The following SLC1A1 variants were observed in gnomAD, a reference collection of about 807,000 sequenced individuals.
SLC1A1 encodes the protein solute carrier family 1 member 1.
SLC1A1 carries 43 observed loss-of-function variants against 53.3 expected under a neutral mutation model. The observed-to-expected ratio is 0.81, with a 90% CI of 0.63 to 1.04. The LOEUF (loss-of-function observed/expected upper bound fraction) is 1.04. SLC1A1 is among the 50% of genes least tolerant of loss of function. SLC1A1 has a pLI of 0.00. For missense variants in SLC1A1, 748 were observed against 664.9 expected (o/e 1.12, Z -1.37); for synonymous variants, 307 against 243.2 (o/e 1.26, Z -2.44).
intron 1 of SLC1A1, among the ~76,000 whole-genome samples, chr9:4,531,130 T>G (rs1172746716): frequency 2.0e-5 from 3 of 152,088 alleles, no homozygotes; most frequent in African/African-American, 7.2e-5. Flanking sequence ...CCAGCGTGAG[T>G]GACTCAGAAG....
intron 2 of SLC1A1, among the ~76,000 whole-genome samples, chr9:4,548,605 A>G (rs1043447141): frequency 1.3e-5 from 2 of 152,202 alleles, no homozygotes; most frequent in Non-Finnish European, 1.5e-5. Flanking sequence ...TTATGTGATG[A>G]TAAGGTTAAG....
intron 1 of SLC1A1, among the ~76,000 whole-genome samples, chr9:4,513,465 G>A (rs1039691877): frequency 6.6e-6 from 1 of 152,092 alleles, no homozygotes. Flanking sequence ...ATTCAGCATC[G>A]TTGGCCGTTA....
chr9:4,504,625 G>T (rs984127309), intron 1 of SLC1A1, among the ~76,000 whole-genome samples: 4 of 152,186 alleles, frequency 2.6e-5, no homozygotes, highest in African/African-American at 9.6e-5. Flanking sequence ...AAGAGATTCT[G>T]AGTTCTTGAA....
chr9:4,522,205 C>T (rs1386641762), intron 1 of SLC1A1, among the ~76,000 whole-genome samples: 1 of 151,904 alleles, frequency 6.6e-6, no homozygotes, highest in Admixed American at 6.6e-5. Context: ...GCGCCCACCA[C>T]CACGCCCGGC....
At position 4,573,982 on chromosome 9, in the gene SLC1A1, G is replaced by T. The variant is rs767786270; in HGVS notation, c.843G>T (p.Lys281Asn). The change falls in exon 8 of 12, where the codon AAG becomes AAT. Residue 281 changes from lysine (K) to asparagine (N), a missense_variant. By Grantham distance (94) the Lys-to-Asn change is moderately conservative (BLOSUM62 0). Transcript: ENST00000262352. ...IEVEDWEIFR[K>N]LGLYMATVLT... ...TTGAAGACTGGGAAATATTCCGCAA[G>T]CTGGGCCTTTACATGGCCACAGTCC... 1 of 1,613,738 alleles carries T rather than the reference G, an allele frequency of 6.2e-7. No individual in the cohort carries two copies. The highest frequency in any genetic ancestry group is 1.3e-5 in the African/African-American group (1 of 74,932).
intron 1 of SLC1A1, among the ~76,000 whole-genome samples, chr9:4,501,672 G>A (rs1586690948): frequency 6.6e-6 from 1 of 151,670 alleles, no homozygotes; most frequent in African/African-American, 2.4e-5. Context: ...GCTGAGGCAG[G>A]AGAATTGCTT....
At chr9:4,515,261 G>A (rs995954777) in intron 1 of SLC1A1, among the ~76,000 whole-genome samples, 1 of 152,104 alleles carries the variant, frequency 6.6e-6, no homozygotes, top group Non-Finnish European at 1.5e-5. Context: ...CTATCAAGGT[G>A]ATCACGAAGG....
chr9:4,510,815 G>A (rs1820975855), intron 1 of SLC1A1, among the ~76,000 whole-genome samples: 1 of 152,178 alleles, frequency 6.6e-6, no homozygotes, highest in East Asian at 1.9e-4. Flanking sequence ...GGAACATGGT[G>A]ATCTGATTGG....
Position 4,576,573 on chromosome 9 carries a change from G to A in SLC1A1, c.1003G>A (p.Ala335Thr). Residue 335 changes from alanine (A) to threonine (T), a missense_variant, in exon 10 of 12, where the codon GCA becomes ACA. Ala to Thr is a moderately conservative substitution (Grantham distance 58). Coordinates refer to ENST00000262352, the MANE Select transcript of SLC1A1 (RefSeq NM_004170.6). ...LTALMISSSS[A>T]TLPVTFRCAE... ...CTTTCTATTTTTATCACACAGTTCAGCAACACTGCCTGTCACCTTCCGCTG... is the reference window on the plus strand; with the variant it reads ...CTTTCTATTTTTATCACACAGTTCAACAACACTGCCTGTCACCTTCCGCTG... 6.2e-7 allele frequency: 1 copy of A among 1,613,724 alleles called. No homozygotes were observed.
At chr9:4,550,144 C>T (rs779304901) in intron 2 of SLC1A1, among the ~76,000 whole-genome samples, 1 of 152,144 alleles carries the variant, frequency 6.6e-6, no homozygotes, top group African/African-American at 2.4e-5. Flanking sequence ...AAACACTAGA[C>T]GTCAGGAGAA....
intron 1 of SLC1A1, among the ~76,000 whole-genome samples, chr9:4,523,776 G>C (rs1816165721): frequency 6.6e-6 from 1 of 152,176 alleles, no homozygotes; most frequent in Non-Finnish European, 1.5e-5. Flanking sequence ...TTTACATATA[G>C]TCTCATTTTA....
chr9:4,520,433 A>G (rs1816028583), intron 1 of SLC1A1, among the ~76,000 whole-genome samples: 1 of 152,186 alleles, frequency 6.6e-6, no homozygotes, highest in African/African-American at 2.4e-5. Context: ...CCCGTTTTAA[A>G]AATGAATTTG....
intron 1 of SLC1A1, among the ~76,000 whole-genome samples, chr9:4,515,011 G>A (rs1821117253): frequency 6.6e-6 from 1 of 151,656 alleles, no homozygotes; most frequent in South Asian, 2.1e-4. Flanking sequence ...TTTTCTCGCT[G>A]ACTCTCTCTC....
chr9:4,579,150 G>A (rs746152848), intron 10 of SLC1A1, among the ~76,000 whole-genome samples: 47 of 152,334 alleles, frequency 3.1e-4, no homozygotes, highest in Non-Finnish European at 5.6e-4. Context: ...CCAATGCTGT[G>A]TAATCTATAA....
At position 4,567,750 on chromosome 9, in the gene SLC1A1, A is replaced by C. The variant is rs1354072373; in HGVS notation, c.565A>C (p.Thr189Pro). 1 of 1,607,548 alleles carries C rather than the reference A, an allele frequency of 6.2e-7. No homozygotes were observed. The highest frequency in any genetic ancestry group is 8.5e-7 in the Non-Finnish European group (1 of 1,174,180). Residue 189 changes from threonine (T) to proline (P), a missense_variant, in exon 6 of 12, where the codon ACA becomes CCA. By Grantham distance (38) the Thr-to-Pro change is conservative. Coordinates refer to ENST00000262352, the MANE Select transcript of SLC1A1 (RefSeq NM_004170.6). Reference sequence around the variant, plus strand: ...AGAAGAGTCCTTCACAGCTGTCATGACAACTGCAATTTCCAAGGTACCATT... The same window carrying C: ...AGAAGAGTCCTTCACAGCTGTCATGCCAACTGCAATTTCCAAGGTACCATT... ...MTEESFTAVMTTAISKNKTKE... is the reference protein window; with the variant it reads ...MTEESFTAVMPTAISKNKTKE...
chr9:4,528,404 C>T (rs1816342119), intron 1 of SLC1A1, among the ~76,000 whole-genome samples: 1 of 152,112 alleles, frequency 6.6e-6, no homozygotes, highest in South Asian at 2.1e-4. Flanking sequence ...AACCCCGTCT[C>T]TACTAAAAAT....
At position 4,564,378 on chromosome 9, in the gene SLC1A1, C is replaced by T. The variant is rs1355505149; in HGVS notation, c.360C>T (p.Val120=). Residue 120 remains valine, a synonymous_variant, in exon 4 of 12, where the codon GTC becomes GTT. Coordinates refer to ENST00000262352, the MANE Select transcript of SLC1A1 (RefSeq NM_004170.6). ...TGGTGGTGAGCATCAAGCCTGGTGT[C>T]ACCCAGAAAGTGGGTGAAATTGCGA... ...IVLVVSIKPG[V]TQKVGEIART... The T allele has an allele frequency of 1.2e-6, 2 of 1,613,742 alleles. No homozygotes were observed. Among genetic ancestry groups the T allele is most frequent in the African/African-American group, 2.7e-5 (2 of 75,040 alleles).
intron 2 of SLC1A1, among the ~76,000 whole-genome samples, chr9:4,561,238 C>G (rs1195768700): frequency 6.6e-6 from 1 of 152,144 alleles, no homozygotes; most frequent in Non-Finnish European, 1.5e-5. Context: ...TGGGAAGCTG[C>G]CTGCAGGGGA....
chr9:4,572,426 G>C (rs368564690), intron 7 of SLC1A1, 38 bp downstream of exon 7: 36 of 1,547,588 alleles, frequency 2.3e-5, no homozygotes, highest in Middle Eastern at 1.7e-4. Flanking sequence ...TGCTTCCCCT[G>C]ACAATTCTGT....
Sources: allele counts gnomAD v4.1 joint callset (sites outside exome capture counted in the v4.1 genomes callset), GRCh38; gene constraint gnomAD v4.1.1; transcripts MANE v1.5; gene names NCBI Gene and HGNC (gene_info 2026-07-23, HGNC 2026-07-21).